The following SENP7 variants were observed in gnomAD, a reference collection of about 807,000 sequenced individuals.
SENP7 encodes SUMO specific peptidase 7, also known as sentrin-specific protease 7.
Under a neutral mutation model 141.2 loss-of-function variants are expected in SENP7, and 64 were observed. The ratio of observed to expected loss-of-function variants is 0.45; its 90% confidence interval spans 0.37 to 0.56. The LOEUF is 0.56. Among genes scored for constraint, SENP7 ranks in the 20% least tolerant of loss-of-function variants. The pLI, the probability that SENP7 is intolerant of heterozygous loss-of-function variation, is 0.00. For synonymous variants in SENP7, 382 were observed against 426.4 expected, an observed-to-expected ratio of 0.90 and a Z score of 1.28; for missense variants, 1,025 against 1,212.2, an observed-to-expected ratio of 0.85 and a Z score of 2.29.
intron 2 of SENP7, among the ~76,000 whole-genome samples, chr3:101,500,220 C>T (rs942657498): frequency 6.6e-6 from 1 of 152,030 alleles, no homozygotes; most frequent in Non-Finnish European, 1.5e-5. Flanking sequence ...TAATGTAAAT[C>T]GGGATATTAC....
At chr3:101,363,036 T>C (rs1289445277) in intron 10 of SENP7, 4 of 222,540 alleles carry the variant, frequency 1.8e-5, no homozygotes, top group Non-Finnish European at 3.0e-5. Context: ...GCATATGTAC[T>C]CACTCCCCTC....
chr3:101,427,561 A>G (rs1475857349), intron 4 of SENP7, among the ~76,000 whole-genome samples: 1 of 151,978 alleles, frequency 6.6e-6, no homozygotes, highest in African/African-American at 2.4e-5. Context: ...TGATTACCTC[A>G]ATACATGCAA....
chr3:101,470,854 T>G (rs1210325501), intron 3 of SENP7, among the ~76,000 whole-genome samples: 1 of 152,014 alleles, frequency 6.6e-6, no homozygotes, highest in Non-Finnish European at 1.5e-5. Flanking sequence ...TTATACACCC[T>G]TAACAGACAA....
intron 1 of SENP7, among the ~76,000 whole-genome samples, chr3:101,508,047 C>A (rs1360813296): frequency 2.8e-4 from 25 of 90,124 alleles, no homozygotes; most frequent in South Asian, 1.2e-3. Flanking sequence ...GACTCCATCT[C>A]AAAAAAAAAA....
At chr3:101,343,347 G>A (rs2059376660) in intron 14 of SENP7, among the ~76,000 whole-genome samples, 1 of 152,020 alleles carries the variant, frequency 6.6e-6, no homozygotes, top group Non-Finnish European at 1.5e-5. Flanking sequence ...TGTTCTACTT[G>A]TGGTTTTGTA....
At chr3:101,506,053 C>T (rs1046313224) in intron 1 of SENP7, among the ~76,000 whole-genome samples, 2 of 132,030 alleles carry the variant, frequency 1.5e-5, no homozygotes, top group Non-Finnish European at 3.1e-5. Context: ...CGGAGTCTTG[C>T]TCTGTCACCC....
intron 6 of SENP7, among the ~76,000 whole-genome samples, chr3:101,375,717 C>A (rs1032756131): frequency 3.9e-5 from 6 of 151,944 alleles, no homozygotes; most frequent in Non-Finnish European, 8.8e-5. Flanking sequence ...TGAAAACAAC[C>A]TTAGGGTCCA....
At chr3:101,463,700 A>G (rs546939654) in intron 3 of SENP7, among the ~76,000 whole-genome samples, 2 of 152,108 alleles carry the variant, frequency 1.3e-5, no homozygotes, top group East Asian at 3.9e-4. Flanking sequence ...CTTGGCATAT[A>G]AAAAGCCTAG....
At chr3:101,368,101 T>C in intron 7 of SENP7, 90 bp from the exon 8 acceptor site, 1 of 923,000 alleles carries the variant, frequency 1.1e-6, no homozygotes, top group Non-Finnish European at 1.6e-6. Context: ...TCAGGATTGC[T>C]ATACTACTTC....
At chr3:101,485,906 T>G (rs6779775) in intron 3 of SENP7, among the ~76,000 whole-genome samples, 1 of 151,968 alleles carries the variant, frequency 6.6e-6, no homozygotes, top group African/African-American at 2.4e-5. Context: ...AATAGATCGC[T>G]TAAAGAAAAA....
At chr3:101,382,769 C>T (rs1408090896) in intron 6 of SENP7, among the ~76,000 whole-genome samples, 3 of 152,050 alleles carry the variant, frequency 2.0e-5, no homozygotes, top group Non-Finnish European at 4.4e-5. Context: ...TGACTTATCT[C>T]CATATTTGGG....
chr3:101,340,280 T>C (rs2059296069), intron 15 of SENP7, 69 bp from the exon 16 acceptor site: 2 of 1,487,744 alleles, frequency 1.3e-6, no homozygotes, highest in African/African-American at 1.5e-5. Context: ...ATTTCTTATA[T>C]GAAACAATAA....
At chr3:101,420,482 G>C (rs549254658) in intron 4 of SENP7, among the ~76,000 whole-genome samples, 14 of 152,336 alleles carry the variant, frequency 9.2e-5, no homozygotes, top group African/African-American at 3.1e-4. Flanking sequence ...TTGTCTTACA[G>C]TTAAGAAATC....
At chr3:101,402,224 T>G (rs2061165108) in intron 5 of SENP7, among the ~76,000 whole-genome samples, 1 of 152,126 alleles carries the variant, frequency 6.6e-6, no homozygotes, top group Non-Finnish European at 1.5e-5. Context: ...AATGCATAAG[T>G]TCGAAAGACA....
chr3:101,364,150 C>A (rs2059973259), intron 10 of SENP7, among the ~76,000 whole-genome samples: 1 of 151,942 alleles, frequency 6.6e-6, no homozygotes, highest in Non-Finnish European at 1.5e-5. Context: ...ATGCTTGAGC[C>A]CAAGAGGTTG....
At chr3:101,381,623 T>C (rs2060505431) in intron 6 of SENP7, among the ~76,000 whole-genome samples, 1 of 152,022 alleles carries the variant, frequency 6.6e-6, no homozygotes, top group Non-Finnish European at 1.5e-5. Context: ...AATAATGAAA[T>C]ATTATTTTGA....
chr3:101,451,553 A>C (rs2063136486), intron 4 of SENP7, among the ~76,000 whole-genome samples: 1 of 152,334 alleles, frequency 6.6e-6, no homozygotes, highest in East Asian at 1.9e-4. Context: ...TGCAAGGCTG[A>C]TTCAACATAC....
rs2060198354 is a variant in SENP7, at chr3:101,372,117, T to C, written c.687A>G (p.Gln229=). The stretch of plus-strand genomic sequence containing the variant: ...AATTGTCATCTACTGTCTTACTTCG[T>C]TGTGAGCCCCTGCAAAAGAGAACTG... ...KSCYLSERGS[Q]RSKTVDDNSA... is the part of the protein sequence containing the mutation. Residue 229 remains glutamine (Q), a synonymous_variant, in exon 7 of 24, where the codon CAA becomes CAG. Coordinates refer to ENST00000394095, the MANE Select transcript of SENP7 (RefSeq NM_020654.5). The C allele has an allele frequency of 1.3e-6, 2 of 1,541,068 alleles. No individual in the cohort carries two copies. The highest frequency in any genetic ancestry group is 1.8e-6 in the Non-Finnish European group (2 of 1,134,170).
intron 11 of SENP7, among the ~76,000 whole-genome samples, chr3:101,355,753 A>G (rs1037723934): frequency 6.6e-6 from 1 of 152,030 alleles, no homozygotes; most frequent in African/African-American, 2.4e-5. Context: ...TGTGAATATC[A>G]TTGATAATTT....
Sources: gnomAD v4.1 joint callset for allele counts (sites outside exome capture counted in the v4.1 genomes callset) on GRCh38, gnomAD v4.1.1 for gene constraint, MANE v1.5 for transcripts, NCBI Gene and HGNC (gene_info 2026-07-23, HGNC 2026-07-21) for gene names.